The following LMBR1 variants were observed in gnomAD, a reference collection of about 807,000 sequenced individuals.
LMBR1 encodes limb development membrane protein 1.
In LMBR1, 52 loss-of-function variants were observed where a neutral mutation model predicts 73.9. The observed-to-expected ratio is 0.70, with a 90% confidence interval of 0.56 to 0.89. The LOEUF (loss-of-function observed/expected upper bound fraction) is 0.89. LMBR1 is among the 40% of genes least tolerant of loss of function. LMBR1 has a pLI of 0.00. For synonymous variants in LMBR1, 215 were observed against 209.4 expected, an observed-to-expected ratio of 1.03 and a Z score of -0.23; for missense variants, 539 against 579.8, an observed-to-expected ratio of 0.93 and a Z score of 0.72.
intron 3 of LMBR1, among the ~76,000 whole-genome samples, chr7:156,830,270 C>T (rs1223533142): frequency 6.6e-6 from 1 of 151,988 alleles, no homozygotes; most frequent in African/African-American, 2.4e-5. Flanking sequence ...AAATGAAAGA[C>T]CTCACCTTTT....
intron 1 of LMBR1, among the ~76,000 whole-genome samples, chr7:156,862,799 A>C (rs906337540): frequency 6.6e-6 from 1 of 152,194 alleles, no homozygotes; most frequent in African/African-American, 2.4e-5. Flanking sequence ...AGTAATAGGG[A>C]ATTTCTTCTG....
intron 4 of LMBR1, among the ~76,000 whole-genome samples, chr7:156,798,950 T>C (rs1341187508): frequency 6.6e-6 from 1 of 151,928 alleles, no homozygotes; most frequent in East Asian, 1.9e-4. Context: ...TCCCAGCACT[T>C]TGGGAGGCCG....
chr7:156,848,061 A>C (rs1474982677), intron 1 of LMBR1, among the ~76,000 whole-genome samples: 1 of 151,632 alleles, frequency 6.6e-6, no homozygotes, highest in Admixed American at 6.6e-5. Flanking sequence ...ATCATTCAAC[A>C]CTAAAAAAAA....
intron 1 of LMBR1, among the ~76,000 whole-genome samples, chr7:156,840,198 G>A (rs1444154695): frequency 2.0e-5 from 3 of 152,222 alleles, no homozygotes; most frequent in African/African-American, 7.2e-5. Context: ...GGACATAGCA[G>A]TGAACAAAGT....
chr7:156,671,183 A>T (rs1342460353), intron 4 of LMBR1, among the ~76,000 whole-genome samples: 1 of 152,258 alleles, frequency 6.6e-6, no homozygotes, highest in Non-Finnish European at 1.5e-5. Context: ...GCAAAAATTA[A>T]GAAACCAATG....
At chr7:156,762,343 T>C (rs954448302) in intron 7 of LMBR1, 145 bp from the exon 8 acceptor site, 1 of 605,790 alleles carries the variant, frequency 1.7e-6, no homozygotes, top group East Asian at 2.7e-5. Flanking sequence ...TGTCAGTGTT[T>C]TGTCAGAGAA....
At chr7:156,793,888 C>T (rs1040711983) in intron 5 of LMBR1, among the ~76,000 whole-genome samples, 2 of 152,056 alleles carry the variant, frequency 1.3e-5, no homozygotes, top group Non-Finnish European at 2.9e-5. Context: ...AAAGCAACCC[C>T]GCGGTTTAGA....
chr7:156,703,252 G>A (rs1180360279), intron 15 of LMBR1, among the ~76,000 whole-genome samples: 1 of 152,200 alleles, frequency 6.6e-6, no homozygotes, highest in Non-Finnish European at 1.5e-5. Context: ...ACTGGAGTTA[G>A]GGGGACTTGG....
chr7:156,796,714 C>T (rs1175936300), intron 4 of LMBR1, among the ~76,000 whole-genome samples: 1 of 151,766 alleles, frequency 6.6e-6, no homozygotes, highest in Admixed American at 6.6e-5. Flanking sequence ...TGTTTTTTTC[C>T]ATGCCCTAAA....
rs971350806 is a variant in LMBR1 at position 156,679,159 on chromosome 7, C to T, written c.*4919G>A. 5.9e-5 allele frequency: 9 copies of T among 152,320 alleles called. No homozygotes were observed. In the East Asian group the frequency reaches 9.6e-4, roughly 16 times the overall value. The allele number at this position is 152,320 out of a possible 1,614,324, so 9.4% of individuals were successfully genotyped here. On this transcript the variant is annotated 3_prime_UTR_variant, in exon 17 of 17. Coordinates refer to ENST00000353442, the MANE Select transcript of LMBR1 (RefSeq NM_022458.4). Reference sequence around the variant, plus strand: ...CAGCTTTCTCAGTGGCGTTCCTTGTCGGTAAAATGCAGATGTGTATTTTCG... The same window carrying T: ...CAGCTTTCTCAGTGGCGTTCCTTGTTGGTAAAATGCAGATGTGTATTTTCG...
At chr7:156,733,098 T>C (rs1817165355) in intron 10 of LMBR1, among the ~76,000 whole-genome samples, 1 of 152,118 alleles carries the variant, frequency 6.6e-6, no homozygotes, top group Admixed American at 6.5e-5. Flanking sequence ...TGAGTTGAGA[T>C]CGCACCATTG....
chr7:156,671,523 A>G (rs1421529505), intron 4 of LMBR1, among the ~76,000 whole-genome samples: 1 of 152,224 alleles, frequency 6.6e-6, no homozygotes, highest in Non-Finnish European at 1.5e-5. Flanking sequence ...ATCATTATAA[A>G]AACTGACCAT....
intron 1 of LMBR1, among the ~76,000 whole-genome samples, chr7:156,874,584 T>A (rs1026459208): frequency 6.6e-6 from 1 of 152,224 alleles, no homozygotes; most frequent in Non-Finnish European, 1.5e-5. Context: ...TGTGCAGTTA[T>A]CGACAGCTGA....
chr7:156,864,426 A>G (rs1798164920), intron 1 of LMBR1, among the ~76,000 whole-genome samples: 1 of 152,226 alleles, frequency 6.6e-6, no homozygotes, highest in Non-Finnish European at 1.5e-5. Flanking sequence ...TATGTTTCAA[A>G]CAATAAACCT....
At chr7:156,672,754 ACT>A (rs1802834142) in intron 4 of LMBR1, among the ~76,000 whole-genome samples, 1 of 152,142 alleles carries the variant, frequency 6.6e-6, no homozygotes, top group African/African-American at 2.4e-5. Context: ...CCGCACACTT[ACT>A]CTGTTCCTCT....
intron 1 of LMBR1, among the ~76,000 whole-genome samples, chr7:156,854,086 C>T (rs1180555883): frequency 6.6e-6 from 1 of 151,780 alleles, no homozygotes; most frequent in Non-Finnish European, 1.5e-5. Context: ...TCCAGTCCAA[C>T]ATGAAAGGAG....
intron 15 of LMBR1, among the ~76,000 whole-genome samples, chr7:156,723,097 A>G (rs1377329857): frequency 3.3e-5 from 5 of 152,144 alleles, no homozygotes; most frequent in Non-Finnish European, 1.5e-5. Context: ...AAATAAGACT[A>G]TTACACACAC....
chr7:156,806,716 A>G (rs1279442707), intron 4 of LMBR1, among the ~76,000 whole-genome samples: 1 of 146,568 alleles, frequency 6.8e-6, no homozygotes, highest in East Asian at 2.0e-4. Context: ...GGTTCAAGCA[A>G]TTCTCCTGTC....
intron 9 of LMBR1, among the ~76,000 whole-genome samples, 180 bp downstream of exon 9, chr7:156,756,213 T>G (rs932986686): frequency 6.6e-6 from 1 of 152,218 alleles, no homozygotes; most frequent in Non-Finnish European, 1.5e-5. Context: ...ACAGCTCATC[T>G]CAGCCAGGGT....
Sources: allele counts gnomAD v4.1 joint callset (sites outside exome capture counted in the v4.1 genomes callset), GRCh38; gene constraint gnomAD v4.1.1; transcripts MANE v1.5; gene names NCBI Gene and HGNC (gene_info 2026-07-23, HGNC 2026-07-21).